SNTG1: variants seen among roughly 807,000 people sequenced by gnomAD.
The protein encoded by SNTG1 is gamma-1-syntrophin.
Under a neutral mutation model 74.7 loss-of-function variants are expected in SNTG1, and 39 were observed. The observed-to-expected ratio is 0.52, with a 90% confidence interval of 0.40 to 0.68. SNTG1 has a LOEUF of 0.68. Ranked by LOEUF, SNTG1 falls within the 30% of genes least tolerant of loss-of-function variation. SNTG1 has a pLI of 0.00. For missense variants in SNTG1, 685 were observed against 609.5 expected (o/e 1.12, Z -1.30); for synonymous variants, 254 against 217.1 (o/e 1.17, Z -1.49).
intron 17 of SNTG1, among the ~76,000 whole-genome samples, chr8:50,742,543 T>C (rs2095545756): frequency 1.3e-5 from 2 of 151,512 alleles, no homozygotes; most frequent in Non-Finnish European, 1.5e-5. Flanking sequence ...TAAGTATATA[T>C]ATATTAAAAA....
intron 2 of SNTG1, among the ~76,000 whole-genome samples, chr8:50,248,451 G>T (rs116942333): frequency 6.6e-6 from 1 of 152,042 alleles, no homozygotes; most frequent in Non-Finnish European, 1.5e-5. Flanking sequence ...TGATTTACTT[G>T]TCCCAAAGAT....
chr8:50,138,914 A>C lies in SNTG1; in HGVS notation c.-102-33647A>C, dbSNP rs568113386. On this transcript the variant is annotated intron_variant, in intron 1 of 18. Coordinates refer to ENST00000642720, the MANE Select transcript of SNTG1 (RefSeq NM_018967.5). ...TACAGTGTATCATACTGACTTTATA[A>C]AATTTAAATTTTATGTTTATTTGAC... Among the ~76,000 whole-genome samples the C allele has an allele frequency of 2.0e-4, 31 of 152,236 alleles. No individual in the cohort carries two copies. In the South Asian group the frequency reaches 4.8e-3, roughly 23 times the overall value.
intron 2 of SNTG1, among the ~76,000 whole-genome samples, chr8:50,367,675 TC>T (rs1191364956): frequency 6.6e-6 from 1 of 152,154 alleles, no homozygotes; most frequent in African/African-American, 2.4e-5. Context: ...TGAAACTGTA[TC>T]AGGATATAAT....
intron 1 of SNTG1, among the ~76,000 whole-genome samples, chr8:50,161,216 G>A (rs568990374): frequency 2.6e-4 from 40 of 152,242 alleles, no homozygotes; most frequent in South Asian, 8.3e-4. Context: ...CAGCAGCAGC[G>A]CATAGAACAA....
At chr8:50,545,346 T>C (rs2094379483) in intron 11 of SNTG1, among the ~76,000 whole-genome samples, 1 of 151,516 alleles carries the variant, frequency 6.6e-6, no homozygotes, top group African/African-American at 2.4e-5. Context: ...AATATTGCAG[T>C]GTCAAGGGCA....
chr8:50,474,230 C>T (rs2093676965), intron 8 of SNTG1, among the ~76,000 whole-genome samples: 1 of 151,996 alleles, frequency 6.6e-6, no homozygotes, highest in South Asian at 2.1e-4. Flanking sequence ...CAAATGGGAT[C>T]TAATTAAACT....
At chr8:50,342,070 C>T (rs1247106190) in intron 2 of SNTG1, among the ~76,000 whole-genome samples, 2 of 151,972 alleles carry the variant, frequency 1.3e-5, no homozygotes, top group Admixed American at 6.6e-5. Context: ...ACTATGTGTA[C>T]AGTAGCAATT....
intron 2 of SNTG1, among the ~76,000 whole-genome samples, chr8:50,197,975 T>G (rs2083842143): frequency 6.6e-6 from 1 of 152,210 alleles, no homozygotes; most frequent in African/African-American, 2.4e-5. Flanking sequence ...ACTTATAAAT[T>G]GACCATTCTT....
intron 9 of SNTG1, among the ~76,000 whole-genome samples, chr8:50,509,197 T>C (rs1384652745): frequency 3.9e-5 from 6 of 152,214 alleles, no homozygotes; most frequent in Admixed American, 2.0e-4. Context: ...CCATTGCTTG[T>C]TTTTGTCAGG....
At chr8:50,148,648 G>A (rs1300715716) in intron 1 of SNTG1, among the ~76,000 whole-genome samples, 1 of 152,160 alleles carries the variant, frequency 6.6e-6, no homozygotes, top group African/African-American at 2.4e-5. Flanking sequence ...AGAACATGCG[G>A]TGTTTGGTTT....
intron 8 of SNTG1, among the ~76,000 whole-genome samples, chr8:50,456,533 C>T (rs2093507454): frequency 6.6e-6 from 1 of 152,042 alleles, no homozygotes; most frequent in African/African-American, 2.4e-5. Context: ...TGGGTGGGTG[C>T]TCACATGGCA....
At chr8:50,588,577 T>G (rs957488069) in intron 12 of SNTG1, among the ~76,000 whole-genome samples, 4 of 152,194 alleles carry the variant, frequency 2.6e-5, no homozygotes, top group African/African-American at 4.8e-5. Flanking sequence ...GAAATCAGCT[T>G]ACACAATTTA....
intron 8 of SNTG1, among the ~76,000 whole-genome samples, chr8:50,474,783 T>A (rs1231090485): frequency 3.3e-5 from 5 of 152,094 alleles, no homozygotes; most frequent in Non-Finnish European, 7.4e-5. Flanking sequence ...CACACGTATG[T>A]TTATTGTGGC....
intron 2 of SNTG1, among the ~76,000 whole-genome samples, chr8:50,293,409 T>A (rs1182819281): frequency 6.6e-6 from 1 of 151,404 alleles, no homozygotes; most frequent in Non-Finnish European, 1.5e-5. Context: ...GCTTCTTTTT[T>A]TTTTTTTCTT....
At chr8:50,515,737 C>A (rs982178923) in intron 9 of SNTG1, among the ~76,000 whole-genome samples, 11 of 152,170 alleles carry the variant, frequency 7.2e-5, no homozygotes, top group Non-Finnish European at 1.2e-4. Context: ...CCACTGTAGC[C>A]AGACTGCCTC....
chr8:50,778,278 A>C (rs900881291), intron 18 of SNTG1, among the ~76,000 whole-genome samples: 21 of 152,192 alleles, frequency 1.4e-4, no homozygotes, highest in African/African-American at 4.3e-4. Flanking sequence ...GAATCGCCAC[A>C]CTGACTTCCA....
At chr8:50,231,912 T>A in intron 2 of SNTG1, among the ~76,000 whole-genome samples, 1 of 151,456 alleles carries the variant, frequency 6.6e-6, no homozygotes, top group East Asian at 1.9e-4. Context: ...GTGATAAATA[T>A]GTTATTTAGC....
chr8:50,312,607 C>T (rs774051673), intron 2 of SNTG1, among the ~76,000 whole-genome samples: 6 of 149,620 alleles, frequency 4.0e-5, no homozygotes, highest in South Asian at 2.2e-4. Context: ...AAAAGTTCTA[C>T]GATTATGAAA....
intron 9 of SNTG1, among the ~76,000 whole-genome samples, chr8:50,524,608 C>T (rs200960187): frequency 6.6e-5 from 10 of 151,614 alleles, no homozygotes; most frequent in Non-Finnish European, 8.8e-5. Flanking sequence ...TTTAGCCTGC[C>T]GCAAATCAAA....
Sources: allele counts gnomAD v4.1 joint callset (sites outside exome capture counted in the v4.1 genomes callset), GRCh38; gene constraint gnomAD v4.1.1; transcripts MANE v1.5; gene names NCBI Gene and HGNC (gene_info 2026-07-23, HGNC 2026-07-21).